ZFHX3: variants seen among roughly 807,000 people sequenced by gnomAD.
ZFHX3 encodes the protein zinc finger homeobox protein 3.
ZFHX3 carries 42 observed loss-of-function variants against 279.1 expected under a neutral mutation model. The observed-to-expected ratio is 0.15, with a 90% CI of 0.12 to 0.19. ZFHX3 has a LOEUF of 0.19. ZFHX3 is among the 10% of genes least tolerant of loss of function. ZFHX3 has a pLI of 1.00. For missense variants in ZFHX3, 4,981 were observed against 4,754.0 expected (o/e 1.05, Z -1.40); for synonymous variants, 2,293 against 1,957.8 (o/e 1.17, Z -4.52).
intron 7 of ZFHX3, among the ~76,000 whole-genome samples, chr16:73,116,836 TG>T (rs1450360603): frequency 6.6e-6 from 1 of 152,090 alleles, no homozygotes; most frequent in Non-Finnish European, 1.5e-5. Context: ...CACGCAGGAA[TG>T]GGGAGGGTTC....
intron 6 of ZFHX3, among the ~76,000 whole-genome samples, chr16:73,132,628 C>A (rs1966708525): frequency 6.6e-6 from 1 of 152,134 alleles, no homozygotes; most frequent in African/African-American, 2.4e-5. Flanking sequence ...AGACACAAAG[C>A]AATTGACAGC....
At chr16:73,693,240 G>A (rs1218761722) in intron 1 of ZFHX3, among the ~76,000 whole-genome samples, 4 of 152,070 alleles carry the variant, frequency 2.6e-5, no homozygotes, top group Admixed American at 2.0e-4. Context: ...GCAAATATAG[G>A]TGTGGGCTAT....
At chr16:72,815,376 C>T (rs2036575982) in intron 5 of ZFHX3, among the ~76,000 whole-genome samples, 1 of 151,264 alleles carries the variant, frequency 6.6e-6, no homozygotes. Flanking sequence ...CCACTGCACC[C>T]CAGCCTGGGT....
At chr16:73,813,169 G>GTC (rs1008308807) in intron 1 of ZFHX3, among the ~76,000 whole-genome samples, 2 of 151,818 alleles carry the variant, frequency 1.3e-5, no homozygotes, top group Admixed American at 1.3e-4. Context: ...ATCCCTCGCT[G>GTC]TCTCTCTGTC....
intron 1 of ZFHX3, among the ~76,000 whole-genome samples, chr16:73,824,516 G>C (rs1960842804): frequency 8.9e-6 from 1 of 111,996 alleles, no homozygotes; most frequent in Admixed American, 9.5e-5. Context: ...GTGTCATCTA[G>C]CATTAGGTAT....
chr16:73,028,925 C>T (rs1487821066), intron 1 of ZFHX3, among the ~76,000 whole-genome samples: 1 of 152,232 alleles, frequency 6.6e-6, no homozygotes, highest in Admixed American at 6.5e-5. Flanking sequence ...TCAGCCTCGA[C>T]AGGTGTGAAC....
intron 5 of ZFHX3, among the ~76,000 whole-genome samples, chr16:73,182,620 C>T (rs1379932744): frequency 6.6e-6 from 1 of 152,092 alleles, no homozygotes; most frequent in Non-Finnish European, 1.5e-5. Flanking sequence ...TCCACAATAG[C>T]AAAGACATGG....
Position 73,888,499 on chromosome 16 carries a change from G to A in ZFHX3, c.-1608+3152C>T, listed in dbSNP as rs7191518. Among the ~76,000 whole-genome samples the A allele has an allele frequency of 3.9e-3, 593 of 152,270 alleles. 3 individuals are homozygous for A. Among genetic ancestry groups the A allele is most frequent in the African/African-American group, 0.013 (559 of 41,568 alleles). ...TCTAGATTTCAATTCAAGGAGAAAA[G>A]GTAAATAGGATTTCCCAAACAAAAT... On this transcript the variant is annotated intron_variant, in intron 1 of 17. Coordinates refer to the ZFHX3 transcript ENST00000641206.
At chr16:73,729,298 G>A (rs2053548392) in intron 1 of ZFHX3, among the ~76,000 whole-genome samples, 1 of 152,202 alleles carries the variant, frequency 6.6e-6, no homozygotes, top group Non-Finnish European at 1.5e-5. Flanking sequence ...AGGCCAAAGT[G>A]GGTGGATCAT....
At chr16:73,705,588 C>G (rs1280755496) in intron 1 of ZFHX3, among the ~76,000 whole-genome samples, 2 of 152,088 alleles carry the variant, frequency 1.3e-5, no homozygotes, top group African/African-American at 4.8e-5. Flanking sequence ...ATCTTCTCAC[C>G]TGGAGCAACT....
intron 5 of ZFHX3, among the ~76,000 whole-genome samples, chr16:73,223,245 C>T (rs1312200679): frequency 2.0e-5 from 3 of 152,098 alleles, no homozygotes; most frequent in African/African-American, 7.2e-5. Context: ...TTAAAATTTT[C>T]TGCTGTGCCA....
intron 2 of ZFHX3, among the ~76,000 whole-genome samples, chr16:73,500,387 G>A (rs2019215431): frequency 1.3e-5 from 2 of 152,072 alleles, no homozygotes; most frequent in Non-Finnish European, 2.9e-5. Flanking sequence ...GAGTGCAGTG[G>A]TGTGATCTCC....
intron 3 of ZFHX3, among the ~76,000 whole-genome samples, chr16:73,363,938 C>A (rs1397202941): frequency 6.6e-6 from 1 of 152,040 alleles, no homozygotes; most frequent in Non-Finnish European, 1.5e-5. Flanking sequence ...TTTGGGAGGC[C>A]AAGGAGGGTG....
intron 3 of ZFHX3, among the ~76,000 whole-genome samples, chr16:73,416,122 C>CAAAAAAA (rs1234376040): frequency 1.9e-4 from 14 of 74,602 alleles, no homozygotes; most frequent in African/African-American, 3.3e-4. Context: ...GACTCCATCT[C>CAAAAAAA]AAAAAAAAAA....
intron 1 of ZFHX3, among the ~76,000 whole-genome samples, chr16:73,735,993 G>A (rs910695158): frequency 2.6e-5 from 4 of 151,514 alleles, no homozygotes; most frequent in East Asian, 3.9e-4. Context: ...GGATCTCCTA[G>A]CTCCCCCAGG....
chr16:72,854,943 G>GC (rs1245027205), intron 4 of ZFHX3, among the ~76,000 whole-genome samples: 3 of 110,704 alleles, frequency 2.7e-5, no homozygotes, highest in Non-Finnish European at 5.3e-5. Flanking sequence ...GTGGGTGGGG[G>GC]GGGGGTGTCA....
At chr16:73,309,254 A>C (rs1306409513) in intron 4 of ZFHX3, among the ~76,000 whole-genome samples, 3 of 151,944 alleles carry the variant, frequency 2.0e-5, no homozygotes, top group African/African-American at 7.3e-5. Flanking sequence ...AGGTAGCCCC[A>C]GTGTCTCTCG....
At chr16:73,301,574 AC>A (rs1261144943) in intron 4 of ZFHX3, among the ~76,000 whole-genome samples, 5 of 152,144 alleles carry the variant, frequency 3.3e-5, no homozygotes, top group Non-Finnish European at 7.3e-5. Flanking sequence ...TTAGGGGGAT[AC>A]AAAATTAGCC....
intron 2 of ZFHX3, among the ~76,000 whole-genome samples, chr16:73,614,421 T>C (rs2052277876): frequency 3.3e-5 from 5 of 152,250 alleles, no homozygotes; most frequent in Admixed American, 3.3e-4. Context: ...TTGTTGGTTT[T>C]TTGAAAGATG....
Sources: gnomAD v4.1 joint callset for allele counts (sites outside exome capture counted in the v4.1 genomes callset) on GRCh38, gnomAD v4.1.1 for gene constraint, MANE v1.5 for transcripts, NCBI Gene and HGNC (gene_info 2026-07-23, HGNC 2026-07-21) for gene names.